The following C19orf47 variants were observed in gnomAD, a reference collection of about 807,000 sequenced individuals.
C19orf47 encodes the protein uncharacterized protein C19orf47.
In C19orf47, 18 loss-of-function variants were observed where a neutral mutation model predicts 32.3. The ratio of observed to expected loss-of-function variants is 0.56; its 90% CI spans 0.39 to 0.83. C19orf47 has a LOEUF of 0.83. Among genes scored for constraint, C19orf47 ranks in the 40% least tolerant of loss-of-function variants. C19orf47 has a pLI of 0.00. For synonymous variants in C19orf47, 202 were observed against 211.1 expected (o/e 0.96, Z 0.37); for missense variants, 484 against 531.6 (o/e 0.91, Z 0.88).
At position 40,326,316 on chromosome 19, in the gene C19orf47, C is replaced by A. The variant is rs200116164; in HGVS notation, c.592+18G>T. On this transcript the variant is annotated intron_variant, in intron 7 of 8. Transcript: ENST00000683109. ...GACATGGACCCCGCAGGGAAGCATGCCCCTGATGGGCCAGTACCTTTTGCA... is the reference window on the plus strand; with the variant it reads ...GACATGGACCCCGCAGGGAAGCATGACCCTGATGGGCCAGTACCTTTTGCA... The A allele has an allele frequency of 9.9e-6, 16 of 1,613,622 alleles. No individual in the cohort carries two copies. In the African/African-American group the frequency reaches 1.5e-4, roughly 15 times the overall value.
At chr19:40,346,532 C>CTTT (rs1193289452) in intron 1 of C19orf47, among the ~76,000 whole-genome samples, 1 of 138,258 alleles carries the variant, frequency 7.2e-6, no homozygotes, top group Non-Finnish European at 1.6e-5. Flanking sequence ...AAAGAGGACC[C>CTTT]TTTTTTTTTT....
intron 3 of C19orf47, 44 bp from the exon 4 acceptor site, chr19:40,336,268 G>T: frequency 6.2e-7 from 1 of 1,613,210 alleles, no homozygotes; most frequent in Non-Finnish European, 8.5e-7. Context: ...GGGCCAGAGT[G>T]GGTGGGCCAG....
the C19orf47 span, among the ~76,000 whole-genome samples, chr19:40,295,245 C>T: frequency 6.6e-5 from 10 of 152,224 alleles, no homozygotes; most frequent in African/African-American, 2.2e-4. Context: ...TGGTCTTGAA[C>T]TCCTCACCTC....
chr19:40,303,471 G>C, the C19orf47 span, among the ~76,000 whole-genome samples: 1 of 147,360 alleles, frequency 6.8e-6, no homozygotes, highest in Non-Finnish European at 1.5e-5. Context: ...TGCAGTGAGC[G>C]GAGATCATAC....
chr19:40,293,768 G>A, the C19orf47 span, among the ~76,000 whole-genome samples: 1 of 151,996 alleles, frequency 6.6e-6, no homozygotes. Context: ...TCGGCCTTTT[G>A]CTACTGTTAA....
intron 2 of C19orf47, 174 bp downstream of exon 2, chr19:40,341,665 T>C (rs3745196): frequency 0.97 from 814,496 of 843,470 alleles, 393,388 homozygotes; most frequent in African/African-American, 0.99. Flanking sequence ...GATCCAGTGA[T>C]GAGGCGGGCA....
At chr19:40,337,750 G>C (rs2078094173) in intron 2 of C19orf47, among the ~76,000 whole-genome samples, 1 of 152,192 alleles carries the variant, frequency 6.6e-6, no homozygotes, top group South Asian at 2.1e-4. Context: ...ACATCTCCAA[G>C]AAGGCCCCTG....
chr19:40,337,636 C>T (rs2078091623), intron 2 of C19orf47, among the ~76,000 whole-genome samples: 1 of 152,092 alleles, frequency 6.6e-6, no homozygotes. Flanking sequence ...CTGTTATTAC[C>T]TCACCCATTT....
chr19:40,318,000 G>GT (rs764540247), downstream of C19orf47, among the ~76,000 whole-genome samples: 4 of 152,078 alleles, frequency 2.6e-5, no homozygotes, highest in Non-Finnish European at 4.4e-5. Context: ...GATTACAGGC[G>GT]TAAGCCACCA....
intron 2 of C19orf47, among the ~76,000 whole-genome samples, chr19:40,338,691 T>G (rs1187162871): frequency 1.3e-5 from 2 of 152,062 alleles, no homozygotes; most frequent in Non-Finnish European, 2.9e-5. Flanking sequence ...CATTTTTTTG[T>G]ATTTTTTATA....
chr19:40,315,774 C>G (rs1479974640), downstream of C19orf47, among the ~76,000 whole-genome samples: 2 of 147,940 alleles, frequency 1.4e-5, no homozygotes, highest in Non-Finnish European at 1.5e-5. Flanking sequence ...AGTGACACTC[C>G]ATCTCAAAAA....
the C19orf47 span, among the ~76,000 whole-genome samples, chr19:40,311,694 C>T: frequency 6.6e-6 from 1 of 152,014 alleles, no homozygotes; most frequent in African/African-American, 2.4e-5. Context: ...CTTGCTGGGT[C>T]GCCCAGGCTA....
chr19:40,321,143 A>T lies in C19orf47; in HGVS notation c.*739T>A. The T allele has an allele frequency of 1.2e-6, 1 of 808,416 alleles. No homozygotes were observed. Among genetic ancestry groups the T allele is most frequent in the Non-Finnish European group, 1.5e-6 (1 of 667,128 alleles). The allele number at this position is 808,416 out of a possible 1,614,324, so 50.1% of individuals were successfully genotyped here. On this transcript the variant is annotated 3_prime_UTR_variant, in exon 9 of 9. Coordinates refer to ENST00000683109, the MANE Select transcript of C19orf47 (RefSeq NM_001256441.2). ...CCTCCCTTCCCAGTGCCCCTTGCCC[A>T]CCACCCGCCATACACTTTCAGAGAC...
chr19:40,298,393 T>C, the C19orf47 span, among the ~76,000 whole-genome samples: 1 of 152,100 alleles, frequency 6.6e-6, no homozygotes, highest in East Asian at 1.9e-4. Context: ...CACCCTTGGA[T>C]GGCAGATATT....
At chr19:40,335,802 G>A (rs1009150304) in intron 4 of C19orf47, among the ~76,000 whole-genome samples, 1 of 152,066 alleles carries the variant, frequency 6.6e-6, no homozygotes, top group Non-Finnish European at 1.5e-5. Context: ...GTACAGACGG[G>A]GTTTCACCGT....
chr19:40,347,314 G>A (rs778727068), intron 1 of C19orf47, among the ~76,000 whole-genome samples: 1 of 152,010 alleles, frequency 6.6e-6, no homozygotes, highest in African/African-American at 2.4e-5. Context: ...CAGATCACCT[G>A]AAGTCAGAAG....
intron 1 of C19orf47, among the ~76,000 whole-genome samples, chr19:40,345,045 C>G (rs1231162302): frequency 6.6e-6 from 1 of 152,150 alleles, no homozygotes; most frequent in Non-Finnish European, 1.5e-5. Flanking sequence ...ATGGTTCATG[C>G]TGATTGAGGG....
chr19:40,317,449 T>A (rs1352426718), downstream of C19orf47, among the ~76,000 whole-genome samples: 3 of 151,594 alleles, frequency 2.0e-5, no homozygotes, highest in Non-Finnish European at 4.4e-5. Flanking sequence ...AAGTAAAAAG[T>A]GCTTAATAGA....
At chr19:40,301,166 A>G in the C19orf47 span, among the ~76,000 whole-genome samples, 1 of 152,040 alleles carries the variant, frequency 6.6e-6, no homozygotes, top group Non-Finnish European at 1.5e-5. Context: ...AATAAAAAGA[A>G]AAAGAAACCC....
Sources: allele counts gnomAD v4.1 joint callset (sites outside exome capture counted in the v4.1 genomes callset), GRCh38; gene constraint gnomAD v4.1.1; transcripts MANE v1.5; gene names NCBI Gene and HGNC (gene_info 2026-07-23, HGNC 2026-07-21).